The following UGT2B7 variants were observed in gnomAD, a reference collection of about 807,000 sequenced individuals.
UGT2B7 encodes UDP glucuronosyltransferase family 2 member B7, also known as UDP-glucuronosyltransferase 2B7.
UGT2B7 carries 51 observed loss-of-function variants against 51.9 expected under a neutral mutation model. The ratio of observed to expected loss-of-function variants is 0.98; its 90% confidence interval spans 0.78 to 1.24. The LOEUF (loss-of-function observed/expected upper bound fraction) is 1.24. Ranked by LOEUF, UGT2B7 falls within the 50% of genes most tolerant of loss-of-function variation. UGT2B7 has a pLI of 0.00. For missense variants in UGT2B7, 727 were observed against 628.4 expected, an observed-to-expected ratio of 1.16 and a Z score of -1.68; for synonymous variants, 225 against 211.6, an observed-to-expected ratio of 1.06 and a Z score of -0.55.
intron 5 of UGT2B7, 135 bp downstream of exon 5, chr4:69,108,457 C>A: frequency 2.7e-6 from 3 of 1,094,810 alleles, no homozygotes; most frequent in South Asian, 4.3e-5. Flanking sequence ...CTGAAATCTG[C>A]TTTTATTTTT....
intron 1 of UGT2B7, among the ~76,000 whole-genome samples, chr4:69,078,273 G>T (rs566928227): frequency 6.6e-6 from 1 of 151,912 alleles, no homozygotes; most frequent in East Asian, 1.9e-4. Flanking sequence ...TCTTGTTGTG[G>T]TTCTGCCAGG....
In UGT2B7 at chr4:69,098,566, A is replaced by G; in HGVS notation, c.748A>G (p.Met250Val). ...LGRPTTLSET[M>V]GKADVWLIRN... The stretch of plus-strand genomic sequence containing the variant: ...AAGACCCACTACATTATCTGAGACA[A>G]TGGGGAAAGCTGACGTATGGCTTAT... Residue 250 changes from methionine (M) to valine (V), a missense_variant, in exon 2 of 6, where the codon ATG (methionine) becomes GTG (valine). Physicochemically the swap from Met to Val is conservative, Grantham distance 21 (BLOSUM62 1). Transcript: ENST00000305231. 2.5e-6 allele frequency: 4 copies of G among 1,610,100 alleles called. No individual in the cohort carries two copies. The highest frequency in any genetic ancestry group is 3.4e-6 in the Non-Finnish European group (4 of 1,178,478).
chr4:69,103,871 A>G (rs1179372419), intron 3 of UGT2B7, among the ~76,000 whole-genome samples: 1 of 152,192 alleles, frequency 6.6e-6, no homozygotes, highest in Non-Finnish European at 1.5e-5. Context: ...GTTATGCGGT[A>G]TATTCTCTGT....
chr4:69,054,558 G>A (rs2109857842), intron 1 of UGT2B7, among the ~76,000 whole-genome samples: 1 of 152,188 alleles, frequency 6.6e-6, no homozygotes, highest in East Asian at 1.9e-4. Context: ...CCTTACTCCT[G>A]GTATCAGAGA....
At chr4:69,087,385 A>T (rs6422324) in intron 1 of UGT2B7, among the ~76,000 whole-genome samples, 87,524 of 151,670 alleles carry the variant, frequency 0.58, 26,244 homozygotes, top group African/African-American at 0.71. Context: ...ATATCTTTTC[A>T]TATTTCCATC....
chr4:69,056,189 T>C (rs1190361059), intron 1 of UGT2B7, among the ~76,000 whole-genome samples: 1 of 152,140 alleles, frequency 6.6e-6, no homozygotes, highest in Non-Finnish European at 1.5e-5. Context: ...CCATAGGTGA[T>C]TAAAAAGATA....
At chr4:69,108,778 CCT>C (rs771014163) in intron 5 of UGT2B7, among the ~76,000 whole-genome samples, 69 of 152,014 alleles carry the variant, frequency 4.5e-4, no homozygotes, top group African/African-American at 1.4e-3. Flanking sequence ...ATAAAACCCC[CCT>C]GTTTATGTTA....
chr4:69,092,551 G>GGATTAACA (rs113605769), upstream of UGT2B7, among the ~76,000 whole-genome samples: 5 of 151,492 alleles, frequency 3.3e-5, 1 homozygote, highest in African/African-American at 1.2e-4. Context: ...GCACATCGTA[G>GGATTAACA]GACAGAGTGA....
At position 69,096,875 on chromosome 4, in the gene UGT2B7, T is replaced by G; in HGVS notation, c.355T>G (p.Phe119Val). Residue 119 changes from phenylalanine to valine, a missense_variant, in exon 1 of 6, where the codon TTT (phenylalanine) becomes GTT (valine). Phe to Val is a conservative substitution (Grantham distance 50). Transcript: ENST00000305231. ...FSQVQEIMSI[F>V]GDITRKFCKD... ...ACAAGTACAGGAAATCATGTCAATA[T>G]TTGGTGACATAACTAGAAAGTTCTG... 1 of 1,613,296 alleles carries G rather than the reference T, an allele frequency of 6.2e-7. No homozygotes were observed.
chr4:69,077,430 T>C (rs189814938), intron 1 of UGT2B7, among the ~76,000 whole-genome samples: 7 of 152,326 alleles, frequency 4.6e-5, no homozygotes, highest in Admixed American at 4.6e-4. Context: ...GGGATGTTTT[T>C]CCATTTATTT....
chr4:69,067,816 G>C (rs1718514341), intron 1 of UGT2B7, among the ~76,000 whole-genome samples: 1 of 151,972 alleles, frequency 6.6e-6, no homozygotes, highest in South Asian at 2.1e-4. Flanking sequence ...ATTTGTCAGA[G>C]GTTTTAGGAT....
intron 1 of UGT2B7, among the ~76,000 whole-genome samples, chr4:69,084,478 C>A (rs1162236946): frequency 6.6e-6 from 1 of 151,966 alleles, no homozygotes; most frequent in East Asian, 1.9e-4. Context: ...ACTTTAAGTT[C>A]TTGGATACAT....
chr4:69,109,377 C>T (rs1466320876), intron 5 of UGT2B7, among the ~76,000 whole-genome samples: 1 of 152,086 alleles, frequency 6.6e-6, no homozygotes, highest in Non-Finnish European at 1.5e-5. Context: ...GTTCCAATTC[C>T]TCCATACTTT....
At chr4:69,075,948 G>C (rs1037686302) in intron 1 of UGT2B7, among the ~76,000 whole-genome samples, 1 of 151,218 alleles carries the variant, frequency 6.6e-6, no homozygotes, top group Non-Finnish European at 1.5e-5. Context: ...CCCCATAACA[G>C]GCCCCACTGT....
intron 3 of UGT2B7, among the ~76,000 whole-genome samples, chr4:69,105,892 T>C (rs989604334): frequency 2.0e-5 from 3 of 152,146 alleles, no homozygotes; most frequent in African/African-American, 7.2e-5. Flanking sequence ...AGTAGATACA[T>C]GTGAACTACT....
intron 1 of UGT2B7, among the ~76,000 whole-genome samples, chr4:69,074,617 T>C (rs1386937574): frequency 2.0e-5 from 3 of 151,970 alleles, no homozygotes; most frequent in Non-Finnish European, 4.4e-5. Flanking sequence ...AGAGAATCCC[T>C]TCACAATATT....
At chr4:69,079,325 A>G (rs2109872759) in intron 1 of UGT2B7, among the ~76,000 whole-genome samples, 1 of 152,300 alleles carries the variant, frequency 6.6e-6, no homozygotes, top group Middle Eastern at 3.4e-3. Context: ...GCACATTGAG[A>G]AGCTGATCCA....
intron 1 of UGT2B7, among the ~76,000 whole-genome samples, chr4:69,079,660 CA>C (rs1396564481): frequency 1.3e-5 from 2 of 152,008 alleles, no homozygotes; most frequent in Non-Finnish European, 2.9e-5. Context: ...TGTAAACCAC[CA>C]TATTTTCTAG....
At chr4:69,061,313 G>T (rs187257959) in intron 1 of UGT2B7, among the ~76,000 whole-genome samples, 102 of 152,300 alleles carry the variant, frequency 6.7e-4, no homozygotes, top group Middle Eastern at 3.4e-3. Flanking sequence ...GAAATTCTAC[G>T]GCTCCTGGAT....
Sources: allele counts gnomAD v4.1 joint callset (sites outside exome capture counted in the v4.1 genomes callset), GRCh38; gene constraint gnomAD v4.1.1; transcripts MANE v1.5; gene names NCBI Gene and HGNC (gene_info 2026-07-23, HGNC 2026-07-21).